The following FAM107B variants were observed in gnomAD, a reference collection of about 807,000 sequenced individuals.
FAM107B encodes family with sequence similarity 107 member B, also known as protein FAM107B.
In FAM107B, 21 loss-of-function variants were observed where a neutral mutation model predicts 31.5. The ratio of observed to expected loss-of-function variants is 0.67; its 90% CI spans 0.47 to 0.96. The LOEUF (loss-of-function observed/expected upper bound fraction) is 0.96, where lower values mean the gene tolerates loss of function less well. Ranked by LOEUF, FAM107B falls within the 40% of genes least tolerant of loss-of-function variation. FAM107B has a pLI of 0.00. For missense variants in FAM107B, 452 were observed against 377.1 expected, an observed-to-expected ratio of 1.20 and a Z score of -1.64; for synonymous variants, 157 against 141.5, an observed-to-expected ratio of 1.11 and a Z score of -0.78.
At chr10:14,577,383 TTC>T (rs1851498288) in intron 2 of FAM107B, among the ~76,000 whole-genome samples, 1 of 152,250 alleles carries the variant, frequency 6.6e-6, no homozygotes, top group Non-Finnish European at 1.5e-5. Flanking sequence ...ACCAAGGTGT[TTC>T]TCTGTCAAAC....
chr10:14,592,096 G>A (rs1006652448), intron 2 of FAM107B, among the ~76,000 whole-genome samples: 1 of 152,178 alleles, frequency 6.6e-6, no homozygotes, highest in African/African-American at 2.4e-5. Context: ...TGGGGAGGTG[G>A]GAAGTTCAGC....
intron 1 of FAM107B, among the ~76,000 whole-genome samples, chr10:14,728,192 A>G (rs1856080238): frequency 6.6e-6 from 1 of 152,216 alleles, no homozygotes; most frequent in African/African-American, 2.4e-5. Flanking sequence ...TGCATTTTTA[A>G]TATCAACTGC....
chr10:14,635,789 G>A (rs1434810023), intron 2 of FAM107B, among the ~76,000 whole-genome samples: 1 of 151,864 alleles, frequency 6.6e-6, no homozygotes, highest in African/African-American at 2.4e-5. Flanking sequence ...CTAACACGAC[G>A]CCTGGCTAAT....
intron 1 of FAM107B, among the ~76,000 whole-genome samples, chr10:14,703,684 A>C (rs1354588518): frequency 1.3e-5 from 2 of 152,224 alleles, no homozygotes; most frequent in Non-Finnish European, 2.9e-5. Flanking sequence ...AAATCTTTCA[A>C]GAATGACACT....
chr10:14,527,999 CT>C (rs57985098), intron 3 of FAM107B: 41,198 of 298,590 alleles, frequency 0.14, 158 homozygotes, highest in South Asian at 0.2. Context: ...TCTGCCTTTT[CT>C]TTTTTTTTTT....
chr10:14,680,730 T>TA (rs985949647), intron 1 of FAM107B, among the ~76,000 whole-genome samples: 1 of 151,706 alleles, frequency 6.6e-6, no homozygotes, highest in African/African-American at 2.4e-5. Context: ...CATGAGGGAG[T>TA]AAAAAAAGGT....
At chr10:14,618,371 G>C (rs1476547420) in intron 2 of FAM107B, among the ~76,000 whole-genome samples, 2 of 152,124 alleles carry the variant, frequency 1.3e-5, no homozygotes, top group African/African-American at 4.8e-5. Flanking sequence ...ATCTCACACA[G>C]GTCTGTGTGA....
chr10:14,748,031 A>G (rs147883695), intron 1 of FAM107B, among the ~76,000 whole-genome samples: 213 of 152,216 alleles, frequency 1.4e-3, no homozygotes, highest in Non-Finnish European at 1.2e-3. Flanking sequence ...GCAATTCCCA[A>G]TTATCCTTCA....
chr10:14,736,194 G>A (rs1044969369), intron 1 of FAM107B, among the ~76,000 whole-genome samples: 1 of 152,160 alleles, frequency 6.6e-6, no homozygotes, highest in Admixed American at 6.5e-5. Flanking sequence ...AAAGGGAACT[G>A]AGAGATCTCC....
chr10:14,579,830 T>C (rs1417665661), intron 2 of FAM107B, among the ~76,000 whole-genome samples: 1 of 151,962 alleles, frequency 6.6e-6, no homozygotes, highest in Non-Finnish European at 1.5e-5. Context: ...GAGACCAGCC[T>C]GGCCAATACG....
At position 14,680,574 on chromosome 10, in the gene FAM107B, A is replaced by AAC. The variant is rs35367966; in HGVS notation, c.412-12884_412-12883insGT. Among the ~76,000 whole-genome samples the AAC allele has an allele frequency of 1.9e-3, 20 of 10,442 alleles. 1 individual carries two copies. The highest frequency in any genetic ancestry group is 0.017 in the Admixed American group (19 of 1,104). 6.9% of individuals were successfully genotyped at this position (10,442 alleles called of 152,430 possible). On this transcript the variant is annotated intron_variant, in intron 1 of 4. Coordinates refer to ENST00000181796, the MANE Select transcript of FAM107B (RefSeq NM_031453.4). ...GGGCAACAGAGCGAGACTCTGTCTCAAAAAAAAAAAAAAAATGCACAGAGG... is the reference window on the plus strand; with the variant it reads ...GGGCAACAGAGCGAGACTCTGTCTCAACAAAAAAAAAAAAAAATGCACAGAGG...
intron 2 of FAM107B, among the ~76,000 whole-genome samples, chr10:14,638,600 C>G (rs967845892): frequency 2.0e-5 from 3 of 152,110 alleles, no homozygotes; most frequent in African/African-American, 7.2e-5. Context: ...TTCCAAAATG[C>G]CTGCTACCTA....
At chr10:14,662,804 G>C (rs1854281134) in intron 2 of FAM107B, among the ~76,000 whole-genome samples, 1 of 152,092 alleles carries the variant, frequency 6.6e-6, no homozygotes, top group Non-Finnish European at 1.5e-5. Context: ...CCACTGTGAT[G>C]GTTAATATTG....
chr10:14,543,374 T>C (rs1848404804), intron 2 of FAM107B, among the ~76,000 whole-genome samples: 1 of 152,196 alleles, frequency 6.6e-6, no homozygotes, highest in Non-Finnish European at 1.5e-5. Context: ...CAGCTCTTCA[T>C]CCAAGGCCAC....
intron 2 of FAM107B, among the ~76,000 whole-genome samples, chr10:14,637,165 G>T (rs10508479): frequency 0.057 from 8,687 of 152,110 alleles, 281 homozygotes; most frequent in South Asian, 0.076. Context: ...ATTCCTCAAG[G>T]TCTCGGCTTC....
At chr10:14,581,259 A>G (rs1025655154) in intron 2 of FAM107B, among the ~76,000 whole-genome samples, 7 of 152,220 alleles carry the variant, frequency 4.6e-5, no homozygotes, top group South Asian at 2.1e-4. Flanking sequence ...ATTTGGCCCA[A>G]GTTTTCCTGA....
intron 2 of FAM107B, among the ~76,000 whole-genome samples, chr10:14,606,781 T>C (rs1191764790): frequency 6.6e-6 from 1 of 151,218 alleles, no homozygotes; most frequent in Non-Finnish European, 1.5e-5. Context: ...GAAGACACAA[T>C]GAAAAGGCCG....
intron 1 of FAM107B, among the ~76,000 whole-genome samples, chr10:14,671,890 AAAC>A (rs1854563098): frequency 6.7e-6 from 1 of 149,404 alleles, no homozygotes; most frequent in African/African-American, 2.5e-5. Context: ...AAAAACAAAA[AAAC>A]AAAAAAAAAA....
At chr10:14,558,590 AT>A (rs3832656) in intron 2 of FAM107B, among the ~76,000 whole-genome samples, 120,590 of 151,220 alleles carry the variant, frequency 0.8, 48,608 homozygotes, top group East Asian at 0.88. Flanking sequence ...CCTGATCTTG[AT>A]TTTTTTTTTT....
Sources: gnomAD v4.1 joint callset for allele counts (sites outside exome capture counted in the v4.1 genomes callset) on GRCh38, gnomAD v4.1.1 for gene constraint, MANE v1.5 for transcripts, NCBI Gene and HGNC (gene_info 2026-07-23, HGNC 2026-07-21) for gene names.